The following ULK4 variants were observed in gnomAD, a reference collection of about 807,000 sequenced individuals.
The protein encoded by ULK4 is unc-51 like kinase 4.
ULK4 carries 133 observed loss-of-function variants against 160.6 expected under a neutral mutation model. The observed-to-expected ratio is 0.83, with a 90% CI of 0.72 to 0.96. ULK4 has a LOEUF of 0.96. Among genes scored for constraint, ULK4 ranks in the 40% least tolerant of loss-of-function variants. ULK4 has a pLI of 0.00. For synonymous variants in ULK4, 534 were observed against 539.8 expected, an observed-to-expected ratio of 0.99 and a Z score of 0.15; for missense variants, 1,580 against 1,499.5, an observed-to-expected ratio of 1.05 and a Z score of -0.89.
intron 35 of ULK4, among the ~76,000 whole-genome samples, chr3:41,276,014 A>G (rs1447647864): frequency 6.6e-6 from 1 of 152,194 alleles, no homozygotes; most frequent in African/African-American, 2.4e-5. Flanking sequence ...CCATTCCACA[A>G]TGACAGAATA....
At chr3:41,693,859 G>T (rs2036395754) in intron 27 of ULK4, among the ~76,000 whole-genome samples, 1 of 152,144 alleles carries the variant, frequency 6.6e-6, no homozygotes, top group African/African-American at 2.4e-5. Context: ...ACCTAAAATT[G>T]AAAGCAAATG....
intron 35 of ULK4, among the ~76,000 whole-genome samples, chr3:41,336,089 A>G (rs1183512786): frequency 1.3e-5 from 2 of 152,106 alleles, no homozygotes; most frequent in African/African-American, 4.8e-5. Context: ...CTTGACCTAA[A>G]CTTACTCAGC....
intron 27 of ULK4, among the ~76,000 whole-genome samples, chr3:41,697,473 T>A (rs2036539139): frequency 6.6e-6 from 1 of 152,160 alleles, no homozygotes; most frequent in African/African-American, 2.4e-5. Flanking sequence ...AAAGAAAATA[T>A]TTTTGTAGAA....
intron 30 of ULK4, among the ~76,000 whole-genome samples, chr3:41,656,336 G>C (rs1484062680): frequency 1.3e-5 from 2 of 152,094 alleles, no homozygotes; most frequent in East Asian, 3.8e-4. Context: ...TTTAGGTACA[G>C]ATAAATGAAG....
intron 32 of ULK4, among the ~76,000 whole-genome samples, chr3:41,528,949 G>A (rs891494772): frequency 2.6e-5 from 4 of 152,192 alleles, no homozygotes; most frequent in African/African-American, 7.2e-5. Flanking sequence ...CCTATGTAGC[G>A]AGCCTTCACA....
intron 17 of ULK4, among the ~76,000 whole-genome samples, chr3:41,841,107 G>A (rs547565106): frequency 3.2e-4 from 44 of 138,242 alleles, no homozygotes; most frequent in African/African-American, 9.7e-4. Flanking sequence ...GCCGCCACCC[G>A]TCTGGGAGGT....
intron 35 of ULK4, among the ~76,000 whole-genome samples, chr3:41,348,915 T>A (rs2080856998): frequency 6.6e-6 from 1 of 152,146 alleles, no homozygotes; most frequent in Admixed American, 6.6e-5. Context: ...TCCAGAGAAG[T>A]GAATGTCTTC....
At chr3:41,523,718 G>A (rs2086013397) in intron 32 of ULK4, among the ~76,000 whole-genome samples, 1 of 152,002 alleles carries the variant, frequency 6.6e-6, no homozygotes, top group East Asian at 1.9e-4. Flanking sequence ...AAAACAGTCT[G>A]GCAGTTCTTC....
intron 21 of ULK4, among the ~76,000 whole-genome samples, chr3:41,757,096 G>A (rs1241632083): frequency 6.6e-6 from 1 of 151,976 alleles, no homozygotes; most frequent in African/African-American, 2.4e-5. Flanking sequence ...AATAAAGGGT[G>A]ATTTTCTTGA....
intron 34 of ULK4, among the ~76,000 whole-genome samples, chr3:41,424,429 T>G (rs1328599824): frequency 6.6e-6 from 1 of 152,124 alleles, no homozygotes; most frequent in African/African-American, 2.4e-5. Flanking sequence ...CAAAAGTGCT[T>G]CCTTAAGTGG....
At chr3:41,418,679 T>C (rs1303074663) in intron 34 of ULK4, among the ~76,000 whole-genome samples, 3 of 113,318 alleles carry the variant, frequency 2.6e-5, no homozygotes, top group Admixed American at 2.4e-4. Flanking sequence ...TTCAGGACCC[T>C]AAGAGGATGA....
At chr3:41,950,242 A>T (rs1700244907) in intron 2 of ULK4, among the ~76,000 whole-genome samples, 2 of 150,260 alleles carry the variant, frequency 1.3e-5, no homozygotes, top group Non-Finnish European at 3.0e-5. Context: ...GCATGCCACC[A>T]CCCCCGGCTA....
At chr3:41,679,951 C>A (rs1431836309) in intron 29 of ULK4, among the ~76,000 whole-genome samples, 1 of 152,188 alleles carries the variant, frequency 6.6e-6, no homozygotes, top group African/African-American at 2.4e-5. Context: ...TGAGCTCAGA[C>A]AATCTTCCAG....
At chr3:41,459,567 C>T (rs1460969409) in intron 33 of ULK4, among the ~76,000 whole-genome samples, 1 of 152,172 alleles carries the variant, frequency 6.6e-6, no homozygotes, top group Non-Finnish European at 1.5e-5. Flanking sequence ...TGACAAGTTC[C>T]AAATAACTGT....
At chr3:41,861,766 CA>C (rs968439284) in intron 17 of ULK4, among the ~76,000 whole-genome samples, 35 of 152,032 alleles carry the variant, frequency 2.3e-4, no homozygotes, top group Non-Finnish European at 5.0e-4. Flanking sequence ...TCTTTAAGGC[CA>C]ATAACGTTTA....
At chr3:41,392,268 G>A (rs1435001813) in intron 35 of ULK4, among the ~76,000 whole-genome samples, 1 of 152,026 alleles carries the variant, frequency 6.6e-6, no homozygotes, top group African/African-American at 2.4e-5. Context: ...TAAATCGTTA[G>A]GTTTCTTCAA....
chr3:41,632,745 A>C (rs953184329), intron 30 of ULK4, among the ~76,000 whole-genome samples: 2 of 152,190 alleles, frequency 1.3e-5, no homozygotes, highest in African/African-American at 4.8e-5. Flanking sequence ...CAAAAAAAAA[A>C]AAACCTCATA....
chr3:41,484,577 G>T (rs1272864), intron 32 of ULK4, among the ~76,000 whole-genome samples: 2 of 151,142 alleles, frequency 1.3e-5, no homozygotes, highest in South Asian at 2.1e-4. Flanking sequence ...CTCAGCCTCC[G>T]GAGTAGCTGG....
intron 35 of ULK4, among the ~76,000 whole-genome samples, chr3:41,278,698 A>G (rs1416688617): frequency 1.3e-5 from 2 of 152,188 alleles, no homozygotes; most frequent in Admixed American, 6.5e-5. Flanking sequence ...ACAGACCTGC[A>G]CCTGAGGGGC....
Sources: allele counts gnomAD v4.1 joint callset (sites outside exome capture counted in the v4.1 genomes callset), GRCh38; gene constraint gnomAD v4.1.1; transcripts MANE v1.5; gene names NCBI Gene and HGNC (gene_info 2026-07-23, HGNC 2026-07-21).